CNTN1: variants seen among roughly 807,000 people sequenced by gnomAD.
The protein encoded by CNTN1 is contactin 1, also known as contactin-1.
A neutral mutation model predicts 126.4 loss-of-function variants in CNTN1; 38 were observed. The observed-to-expected ratio is 0.30, with a 90% CI of 0.23 to 0.39. The LOEUF is 0.39. CNTN1 is among the 10% of genes least tolerant of loss of function. The probability of loss-of-function intolerance (pLI) is 1.00; values close to 1 mark genes in which losing one functional copy is unlikely to be tolerated. For missense variants in CNTN1, 1,009 were observed against 1,248.4 expected, an observed-to-expected ratio of 0.81 and a Z score of 2.89; for synonymous variants, 413 against 422.6, an observed-to-expected ratio of 0.98 and a Z score of 0.28.
At chr12:40,745,791 T>C (rs1014438561) in intron 1 of CNTN1, among the ~76,000 whole-genome samples, 1 of 152,166 alleles carries the variant, frequency 6.6e-6, no homozygotes, top group African/African-American at 2.4e-5. Context: ...TATTCGGGGT[T>C]AAAATATTTT....
intron 9 of CNTN1, among the ~76,000 whole-genome samples, chr12:40,936,329 C>A (rs995166870): frequency 6.6e-6 from 1 of 152,000 alleles, no homozygotes; most frequent in Non-Finnish European, 1.5e-5. Flanking sequence ...TGGCCACTAG[C>A]TGAAAGTTCC....
intron 1 of CNTN1, among the ~76,000 whole-genome samples, chr12:40,864,342 A>G (rs1343599288): frequency 6.6e-6 from 1 of 151,832 alleles, no homozygotes; most frequent in Non-Finnish European, 1.5e-5. Flanking sequence ...TTCTTTTAAT[A>G]ACTTTATTGA....
intron 1 of CNTN1, among the ~76,000 whole-genome samples, chr12:40,737,437 C>A (rs952622940): frequency 1.3e-5 from 2 of 148,460 alleles, no homozygotes; most frequent in African/African-American, 4.9e-5. Flanking sequence ...AGGCTGTCTG[C>A]AAGCTGAGGA....
At chr12:40,715,773 G>C (rs981575316) in intron 1 of CNTN1, among the ~76,000 whole-genome samples, 9 of 152,088 alleles carry the variant, frequency 5.9e-5, no homozygotes, top group African/African-American at 2.2e-4. Flanking sequence ...TTGAGATTAA[G>C]AATCAAATTC....
At position 40,924,409 on chromosome 12, in the gene CNTN1, C is replaced by T. The variant is rs181708847; in HGVS notation, c.401-148C>T. On this transcript the variant is annotated intron_variant, in intron 5 of 23. Coordinates refer to ENST00000551295, the MANE Select transcript of CNTN1 (RefSeq NM_001843.4). ...ATACAAAATCTCAGCAATGTAAGAA[C>T]GAGGAGCTGACTTTACTAGGCTTCA... 1.5e-4 allele frequency: 97 copies of T among 645,844 alleles called. No individual in the cohort carries two copies. In the East Asian group the frequency reaches 2.0e-3, roughly 13 times the overall value. 40.0% of individuals were successfully genotyped at this position (645,844 alleles called of 1,614,324 possible). A position where few individuals can be genotyped will look rare whatever the true frequency, so the allele number is the denominator to read the frequency against.
chr12:40,842,071 T>G (rs1942306732), intron 1 of CNTN1, among the ~76,000 whole-genome samples: 1 of 152,036 alleles, frequency 6.6e-6, no homozygotes. Flanking sequence ...AATAAGCCAC[T>G]CATAAACCCT....
chr12:40,866,290 G>T (rs1943295850), intron 1 of CNTN1, among the ~76,000 whole-genome samples: 1 of 151,698 alleles, frequency 6.6e-6, no homozygotes, highest in African/African-American at 2.4e-5. Context: ...TCCCAACCTG[G>T]GTTTATTTTA....
intron 23 of CNTN1, among the ~76,000 whole-genome samples, chr12:41,056,549 G>A (rs549632032): frequency 1.6e-4 from 24 of 152,160 alleles, no homozygotes; most frequent in African/African-American, 5.8e-4. Flanking sequence ...CTACTATATT[G>A]CAGAATAAAT....
intron 3 of CNTN1, among the ~76,000 whole-genome samples, chr12:40,917,441 G>T (rs1423159843): frequency 6.6e-6 from 1 of 152,022 alleles, no homozygotes; most frequent in Non-Finnish European, 1.5e-5. Context: ...TAAATAATTT[G>T]TCCAAAGGCA....
At chr12:40,815,265 G>C (rs146267290) in intron 1 of CNTN1, among the ~76,000 whole-genome samples, 3,467 of 152,184 alleles carry the variant, frequency 0.023, 129 homozygotes, top group African/African-American at 0.078. Flanking sequence ...TCACAATATT[G>C]ATTCTTCCTA....
chr12:41,010,240 G>T (rs184684469), intron 17 of CNTN1, among the ~76,000 whole-genome samples: 1 of 152,248 alleles, frequency 6.6e-6, no homozygotes, highest in Non-Finnish European at 1.5e-5. Context: ...AATCCTGTTG[G>T]ACAATCTGTG....
chr12:40,844,240 G>C (rs538789463), intron 1 of CNTN1, among the ~76,000 whole-genome samples: 254 of 151,426 alleles, frequency 1.7e-3, no homozygotes, highest in African/African-American at 4.5e-3. Flanking sequence ...GCTAATTTTT[G>C]TATTTTTAGT....
intron 6 of CNTN1, 63 bp downstream of exon 6, chr12:40,924,715 C>G: frequency 1.2e-6 from 1 of 864,092 alleles, no homozygotes; most frequent in Non-Finnish European, 2.0e-6. Flanking sequence ...TTTCCATTTT[C>G]TTAGTAATAA....
intron 23 of CNTN1, among the ~76,000 whole-genome samples, chr12:41,045,215 AAG>A (rs1949515526): frequency 6.6e-6 from 1 of 152,104 alleles, no homozygotes; most frequent in South Asian, 2.1e-4. Context: ...CTTCTGAAAT[AAG>A]AGCAACACAA....
At chr12:40,983,414 G>A (rs1397526036) in intron 16 of CNTN1, among the ~76,000 whole-genome samples, 2 of 151,300 alleles carry the variant, frequency 1.3e-5, no homozygotes, top group East Asian at 1.9e-4. Context: ...GCTTTCTTTT[G>A]GAAGAAGTGA....
chr12:40,836,335 A>G (rs1332993280), intron 1 of CNTN1, among the ~76,000 whole-genome samples: 1 of 150,468 alleles, frequency 6.6e-6, no homozygotes, highest in Admixed American at 6.7e-5. Flanking sequence ...GTACACTTTA[A>G]TAGATGCAAT....
chr12:40,853,315 C>T (rs1027030576), intron 1 of CNTN1, among the ~76,000 whole-genome samples: 3 of 151,988 alleles, frequency 2.0e-5, no homozygotes, highest in Admixed American at 6.6e-5. Context: ...GAGCTCAAAA[C>T]CTCAGCATAA....
At chr12:41,008,950 G>T (rs1408142801) in intron 17 of CNTN1, among the ~76,000 whole-genome samples, 1 of 152,230 alleles carries the variant, frequency 6.6e-6, no homozygotes, top group Non-Finnish European at 1.5e-5. Context: ...AAGTGCTCTT[G>T]TAAGAGCTAT....
In CNTN1 at chr12:40,723,330, C is replaced by T. The variant is rs1241846620; in HGVS notation, c.-77+30738C>T. ...TCTTTTAAGATTTCATCTCTAATAA[C>T]TAAAGTAGTTGTCTGGTGAAGAAGC... is the stretch of plus-strand genomic sequence containing the variant. On this transcript the variant is annotated intron_variant, in intron 1 of 23. Coordinates refer to ENST00000551295, the MANE Select transcript of CNTN1 (RefSeq NM_001843.4). 2.6e-5 allele frequency among the ~76,000 whole-genome samples: 4 copies of T among 152,180 alleles called. No individual in the cohort carries two copies. The South Asian group carries it at 8.3e-4, about 31-fold the overall frequency.
Sources: allele counts gnomAD v4.1 joint callset (sites outside exome capture counted in the v4.1 genomes callset), GRCh38; gene constraint gnomAD v4.1.1; transcripts MANE v1.5; gene names NCBI Gene and HGNC (gene_info 2026-07-23, HGNC 2026-07-21).